ADAMTSL1: variants seen among roughly 807,000 people sequenced by gnomAD.
ADAMTSL1 encodes ADAMTS like 1, also known as ADAMTS-like protein 1.
ADAMTSL1 carries 126 observed loss-of-function variants against 201.8 expected under a neutral mutation model. The observed-to-expected ratio is 0.62, with a 90% CI of 0.54 to 0.72. The LOEUF (loss-of-function observed/expected upper bound fraction) is 0.72, where lower values mean the gene tolerates loss of function less well. Among genes scored for constraint, ADAMTSL1 ranks in the 30% least tolerant of loss-of-function variants. The pLI is 0.00. For missense variants in ADAMTSL1, 2,679 were observed against 2,277.8 expected, an observed-to-expected ratio of 1.18 and a Z score of -3.59; for synonymous variants, 1,121 against 903.4, an observed-to-expected ratio of 1.24 and a Z score of -4.32.
intron 14 of ADAMTSL1, among the ~76,000 whole-genome samples, chr9:18,714,998 A>G (rs1255634222): frequency 4.3e-5 from 4 of 93,934 alleles, no homozygotes; most frequent in African/African-American, 1.4e-4. Context: ...AGACAAAAAC[A>G]ACATGATTAT....
intron 2 of ADAMTSL1, among the ~76,000 whole-genome samples, chr9:18,395,459 C>T (rs1266948115): frequency 1.3e-5 from 2 of 152,186 alleles, no homozygotes; most frequent in Non-Finnish European, 2.9e-5. Context: ...CATTTAGAGA[C>T]AGGACTGGTA....
At chr9:18,097,258 G>T (rs1188164355) in intron 1 of ADAMTSL1, among the ~76,000 whole-genome samples, 1 of 152,168 alleles carries the variant, frequency 6.6e-6, no homozygotes, top group East Asian at 1.9e-4. Flanking sequence ...AAATATTGCT[G>T]TGTAGCATTC....
At chr9:18,791,148 A>C (rs1822013383) in intron 19 of ADAMTSL1, among the ~76,000 whole-genome samples, 1 of 152,100 alleles carries the variant, frequency 6.6e-6, no homozygotes, top group Non-Finnish European at 1.5e-5. Flanking sequence ...TTTTCCAGGA[A>C]TCTCTCTCTC....
intron 2 of ADAMTSL1, among the ~76,000 whole-genome samples, chr9:18,340,558 C>T (rs1835427087): frequency 6.6e-6 from 1 of 152,128 alleles, no homozygotes; most frequent in Admixed American, 6.6e-5. Context: ...TATGTTTTGT[C>T]TCTGTCTCCC....
intron 2 of ADAMTSL1, among the ~76,000 whole-genome samples, chr9:18,528,899 G>C (rs543765108): frequency 6.6e-6 from 1 of 152,102 alleles, no homozygotes; most frequent in East Asian, 1.9e-4. Flanking sequence ...TCAAATGTTT[G>C]TTTTCATCCC....
intron 2 of ADAMTSL1, among the ~76,000 whole-genome samples, chr9:18,344,383 C>G (rs1179062100): frequency 6.6e-6 from 1 of 152,022 alleles, no homozygotes; most frequent in Non-Finnish European, 1.5e-5. Flanking sequence ...TCTCAAACTC[C>G]TGGCCTCAAG....
At chr9:18,730,482 G>C (rs546234245) in intron 15 of ADAMTSL1, among the ~76,000 whole-genome samples, 1 of 152,362 alleles carries the variant, frequency 6.6e-6, no homozygotes, top group African/African-American at 2.4e-5. Flanking sequence ...ATCTGCTGCA[G>C]GTGCAGAAAG....
chr9:18,900,927 A>G (rs1458247117), intron 26 of ADAMTSL1, among the ~76,000 whole-genome samples: 1 of 152,164 alleles, frequency 6.6e-6, no homozygotes, highest in African/African-American at 2.4e-5. Context: ...GAAGGAAAAG[A>G]AAGAACTATC....
At chr9:18,653,750 C>T (rs1828446000) in intron 7 of ADAMTSL1, among the ~76,000 whole-genome samples, 1 of 152,116 alleles carries the variant, frequency 6.6e-6, no homozygotes, top group African/African-American at 2.4e-5. Context: ...TGGGTACTAA[C>T]ATTTTTTAAA....
intron 1 of ADAMTSL1, among the ~76,000 whole-genome samples, chr9:18,053,341 T>TTCTC (rs1000994110): frequency 4.0e-5 from 6 of 151,800 alleles, no homozygotes; most frequent in African/African-American, 9.7e-5. Flanking sequence ...TGCACTTTCA[T>TTCTC]TCTCTCTCTC....
chr9:18,426,327 C>G (rs1045307890), intron 2 of ADAMTSL1, among the ~76,000 whole-genome samples: 1 of 152,132 alleles, frequency 6.6e-6, no homozygotes, highest in African/African-American at 2.4e-5. Flanking sequence ...ACTTTGCATT[C>G]AAGTTACTCT....
intron 2 of ADAMTSL1, among the ~76,000 whole-genome samples, chr9:18,257,047 A>C (rs190379400): frequency 2.0e-5 from 3 of 152,292 alleles, no homozygotes; most frequent in Non-Finnish European, 4.4e-5. Context: ...ACTTATCTTA[A>C]ATTCATCCAA....
intron 2 of ADAMTSL1, among the ~76,000 whole-genome samples, chr9:18,531,422 T>A (rs1819436189): frequency 6.6e-6 from 1 of 151,884 alleles, no homozygotes; most frequent in African/African-American, 2.4e-5. Flanking sequence ...TCGCCTTTTG[T>A]CTAGGACATT....
chr9:18,036,765 A>C (rs1258782591), intron 1 of ADAMTSL1, among the ~76,000 whole-genome samples: 1 of 152,214 alleles, frequency 6.6e-6, no homozygotes, highest in East Asian at 1.9e-4. Context: ...TTCAGTATAT[A>C]GGCCAAAGTT....
At chr9:18,824,340 G>A (rs111397482) in intron 21 of ADAMTSL1, among the ~76,000 whole-genome samples, 28 of 152,264 alleles carry the variant, frequency 1.8e-4, no homozygotes, top group African/African-American at 6.3e-4. Flanking sequence ...CTTTAGAGAT[G>A]ATGCCAACCT....
intron 4 of ADAMTSL1, among the ~76,000 whole-genome samples, chr9:18,594,866 GA>G (rs1824162077): frequency 6.6e-6 from 1 of 152,060 alleles, no homozygotes. Context: ...TGGTGCTTGT[GA>G]AAGAGCAACA....
intron 2 of ADAMTSL1, among the ~76,000 whole-genome samples, chr9:18,356,906 C>T (rs529464608): frequency 2.6e-4 from 39 of 152,282 alleles, no homozygotes; most frequent in African/African-American, 9.4e-4. Flanking sequence ...TGAGATCTAT[C>T]TATGCTGAGT....
intron 2 of ADAMTSL1, among the ~76,000 whole-genome samples, chr9:18,254,551 G>A (rs898029759): frequency 6.6e-6 from 1 of 151,620 alleles, no homozygotes; most frequent in Non-Finnish European, 1.5e-5. Context: ...TTTTAGTAAA[G>A]ACGGGGTTTC....
chr9:18,047,503 AGT>A (rs2131653903), intron 1 of ADAMTSL1, among the ~76,000 whole-genome samples: 1 of 152,278 alleles, frequency 6.6e-6, no homozygotes, highest in Non-Finnish European at 1.5e-5. Context: ...ATCAGAAGGT[AGT>A]GACTGCAAGA....
Sources: allele counts gnomAD v4.1 joint callset (sites outside exome capture counted in the v4.1 genomes callset), GRCh38; gene constraint gnomAD v4.1.1; transcripts MANE v1.5; gene names NCBI Gene and HGNC (gene_info 2026-07-23, HGNC 2026-07-21).